The following FBXL7 variants were observed in gnomAD, a reference collection of about 807,000 sequenced individuals.
FBXL7 encodes the protein F-box/LRR-repeat protein 7.
In FBXL7, 12 loss-of-function variants were observed where a neutral mutation model predicts 38.3. That is an observed-to-expected ratio of 0.31 (90% CI 0.20 to 0.51). FBXL7 has a LOEUF of 0.51. Among genes scored for constraint, FBXL7 ranks in the 20% least tolerant of loss-of-function variants. The pLI, the probability that FBXL7 is intolerant of heterozygous loss-of-function variation, is 0.98. For synonymous variants in FBXL7, 297 were observed against 300.9 expected, an observed-to-expected ratio of 0.99 and a Z score of 0.13; for missense variants, 567 against 676.4, an observed-to-expected ratio of 0.84 and a Z score of 1.79.
chr5:15,653,619 A>T (rs1038896832), intron 2 of FBXL7, among the ~76,000 whole-genome samples: 1 of 152,220 alleles, frequency 6.6e-6, no homozygotes, highest in Non-Finnish European at 1.5e-5. Context: ...ATCTGCTGCA[A>T]TGTGCTCCAA....
intron 2 of FBXL7, among the ~76,000 whole-genome samples, chr5:15,848,155 C>T (rs1419054021): frequency 6.6e-6 from 1 of 152,086 alleles, no homozygotes; most frequent in African/African-American, 2.4e-5. Flanking sequence ...ATGTATTGGA[C>T]AAAAATATCA....
intron 2 of FBXL7, among the ~76,000 whole-genome samples, chr5:15,872,513 C>T (rs188902193): frequency 2.8e-4 from 42 of 152,262 alleles, no homozygotes; most frequent in Non-Finnish European, 4.0e-4. Context: ...CTAGGCCCAT[C>T]GCTGTGCTGT....
rs990816270 is a variant in FBXL7 at position 15,644,517 on chromosome 5, G to A, written c.127+28445G>A. On this transcript the variant is annotated intron_variant, in intron 2 of 3. Coordinates refer to ENST00000504595, the MANE Select transcript of FBXL7 (RefSeq NM_012304.5). ...ACTTCTCTCCTGCCACATCAAAGGT[G>A]GAACGTGGGTGGTGGGGGGACAGAG... Among the ~76,000 whole-genome samples, 9 of 150,760 alleles carry A rather than the reference G, an allele frequency of 6.0e-5. No homozygotes were observed. The East Asian group carries it at 1.9e-3, about 31-fold the overall frequency.
intron 2 of FBXL7, among the ~76,000 whole-genome samples, chr5:15,841,298 T>C (rs1738740653): frequency 6.6e-6 from 1 of 152,218 alleles, no homozygotes; most frequent in African/African-American, 2.4e-5. Context: ...AGTTTCCCTA[T>C]TAAATTTGAC....
intron 1 of FBXL7, among the ~76,000 whole-genome samples, chr5:15,563,905 CA>C (rs536610537): frequency 1.4e-4 from 21 of 148,364 alleles, no homozygotes; most frequent in East Asian, 2.0e-4. Context: ...CTAAATATTT[CA>C]AAAAAAAATG....
At chr5:15,663,218 C>T (rs945363959) in intron 2 of FBXL7, among the ~76,000 whole-genome samples, 1 of 152,112 alleles carries the variant, frequency 6.6e-6, no homozygotes, top group South Asian at 2.1e-4. Context: ...TCTTTCGCCT[C>T]TCTGATTAGC....
At chr5:15,785,592 G>GA (rs1405309720) in intron 2 of FBXL7, among the ~76,000 whole-genome samples, 1 of 152,036 alleles carries the variant, frequency 6.6e-6, no homozygotes, top group Admixed American at 6.6e-5. Context: ...CCAATTAAAG[G>GA]AAAAAAATTA....
intron 2 of FBXL7, among the ~76,000 whole-genome samples, chr5:15,628,882 C>A (rs1022790339): frequency 6.6e-6 from 1 of 152,134 alleles, no homozygotes; most frequent in South Asian, 2.1e-4. Flanking sequence ...TAAAACCACC[C>A]TTCCTTTTGG....
intron 2 of FBXL7, among the ~76,000 whole-genome samples, chr5:15,749,351 G>C (rs1280250519): frequency 1.3e-5 from 2 of 152,050 alleles, no homozygotes; most frequent in Admixed American, 6.6e-5. Context: ...CCTCGGCTGG[G>C]TGCGGTGGCT....
At chr5:15,619,315 A>C (rs572900779) in intron 2 of FBXL7, among the ~76,000 whole-genome samples, 1 of 152,014 alleles carries the variant, frequency 6.6e-6, no homozygotes, top group Non-Finnish European at 1.5e-5. Flanking sequence ...CCATCAGGAG[A>C]TTGTCTCTCC....
intron 2 of FBXL7, among the ~76,000 whole-genome samples, chr5:15,885,843 G>A (rs971668779): frequency 4.6e-5 from 7 of 151,940 alleles, no homozygotes; most frequent in African/African-American, 9.7e-5. Context: ...TGAGTAGCTG[G>A]GAATACAGGT....
At position 15,926,494 on chromosome 5, in the gene FBXL7, A is replaced by T. The variant is rs1741880159; in HGVS notation, c.128-1396A>T. On this transcript the variant is annotated intron_variant, in intron 2 of 3. Coordinates refer to ENST00000504595, the MANE Select transcript of FBXL7 (RefSeq NM_012304.5). ...TGGTTATATATAATATACATTGGAT[A>T]TTATATATATCAAAAATATATCATA... is the stretch of plus-strand genomic sequence containing the variant. Among the ~76,000 whole-genome samples, 4 of 150,102 alleles carry T rather than the reference A, an allele frequency of 2.7e-5. No homozygotes were observed. In the Admixed American group the frequency reaches 2.7e-4, roughly 10 times the overall value.
intron 2 of FBXL7, among the ~76,000 whole-genome samples, chr5:15,700,517 C>T (rs188607536): frequency 6.6e-6 from 1 of 152,244 alleles, no homozygotes; most frequent in East Asian, 1.9e-4. Flanking sequence ...TTGTGTGAGC[C>T]GGTCATGCTG....
intron 2 of FBXL7, among the ~76,000 whole-genome samples, chr5:15,652,526 A>G (rs1167188879): frequency 6.6e-6 from 1 of 152,184 alleles, no homozygotes; most frequent in East Asian, 1.9e-4. Context: ...TCAGCCTCCC[A>G]AAGTGCTGGG....
intron 2 of FBXL7, among the ~76,000 whole-genome samples, chr5:15,833,315 C>T (rs1738506839): frequency 6.6e-6 from 1 of 152,150 alleles, no homozygotes; most frequent in Non-Finnish European, 1.5e-5. Flanking sequence ...GACAGGAAAG[C>T]TCTCTGGGGT....
intron 2 of FBXL7, among the ~76,000 whole-genome samples, chr5:15,874,160 G>A (rs552730818): frequency 2.6e-5 from 4 of 152,212 alleles, no homozygotes; most frequent in African/African-American, 9.6e-5. Context: ...CAGAACCAAC[G>A]ACAAAAACCA....
At chr5:15,517,937 GCGTCTT>G (rs1397219306) in intron 1 of FBXL7, among the ~76,000 whole-genome samples, 1 of 152,124 alleles carries the variant, frequency 6.6e-6, no homozygotes, top group African/African-American at 2.4e-5. Flanking sequence ...ACTAGCATTG[GCGTCTT>G]GCTGCTGACA....
intron 3 of FBXL7, among the ~76,000 whole-genome samples, chr5:15,930,530 T>C (rs1263977753): frequency 1.3e-5 from 2 of 152,204 alleles, no homozygotes; most frequent in Non-Finnish European, 2.9e-5. Context: ...GAAACCACTT[T>C]TGCTATTTGG....
At chr5:15,750,286 T>C (rs1487465973) in intron 2 of FBXL7, among the ~76,000 whole-genome samples, 1 of 152,222 alleles carries the variant, frequency 6.6e-6, no homozygotes, top group African/African-American at 2.4e-5. Context: ...ACTCAACATT[T>C]CTTCCTTAGG....
Sources: allele counts gnomAD v4.1 joint callset (sites outside exome capture counted in the v4.1 genomes callset), GRCh38; gene constraint gnomAD v4.1.1; transcripts MANE v1.5; gene names NCBI Gene and HGNC (gene_info 2026-07-23, HGNC 2026-07-21).